The following IVNS1ABP variants were observed in gnomAD, a reference collection of about 807,000 sequenced individuals.
IVNS1ABP encodes the protein influenza virus NS1A-binding protein.
In IVNS1ABP, 25 loss-of-function variants were observed where a neutral mutation model predicts 78.9. That is an observed-to-expected ratio of 0.32 (90% CI 0.23 to 0.44). The LOEUF is 0.44. Ranked by LOEUF, IVNS1ABP falls within the 20% of genes least tolerant of loss-of-function variation. The pLI is 1.00. For synonymous variants in IVNS1ABP, 241 were observed against 259.7 expected (o/e 0.93, Z 0.69); for missense variants, 494 against 768.9 (o/e 0.64, Z 4.23).
chr1:185,308,068 G>A (rs1459145587), intron 5 of IVNS1ABP: 136 of 1,541,858 alleles, frequency 8.8e-5, no homozygotes, highest in Non-Finnish European at 1.2e-4. Flanking sequence ...AAATAGTTTT[G>A]GAAAGACAGC....
At chr1:185,304,672 A>T (rs1444002502) in intron 8 of IVNS1ABP, among the ~76,000 whole-genome samples, 1 of 152,166 alleles carries the variant, frequency 6.6e-6, no homozygotes, top group East Asian at 1.9e-4. Context: ...AGCATAGCCA[A>T]ACTAATTTAA....
intron 14 of IVNS1ABP, chr1:185,299,493 A>G (rs1665510153): frequency 1.8e-6 from 1 of 568,334 alleles, no homozygotes; most frequent in Admixed American, 3.0e-5. Context: ...CACCCATCAA[A>G]AGACTGGTGA....
rs1571734980 is a variant in IVNS1ABP at position 185,297,105 on chromosome 1, A to C, written c.*930T>G. On this transcript the variant is annotated 3_prime_UTR_variant, in exon 15 of 15. Coordinates refer to ENST00000367498, the MANE Select transcript of IVNS1ABP (RefSeq NM_006469.5). ...TGCATTCACAACCTAATGTAGTTTA[A>C]AGTAAATTTTTTCACAATTGAGGGC... 6.6e-6 allele frequency: 1 copy of C among 152,302 alleles called. No homozygotes were observed. The highest frequency in any genetic ancestry group is 2.1e-4 in the South Asian group (1 of 4,826). 9.4% of individuals were successfully genotyped at this position (152,302 alleles called of 1,614,324 possible).
chr1:185,307,629 C>T lies in IVNS1ABP; in HGVS notation c.391G>A (p.Val131Ile), dbSNP rs1286595284. ...CGDYLLSRMD[V>I]TSCISYRNFA... Reference sequence around the variant, plus strand: ...TTTCGGTAAGAGATGCAGCTGGTAACATCCATTCTAGACAGTAAATAATCA... The same window carrying T: ...TTTCGGTAAGAGATGCAGCTGGTAATATCCATTCTAGACAGTAAATAATCA... Residue 131 changes from valine to isoleucine, a missense_variant, in exon 6 of 15, where the codon GTT becomes ATT. Coordinates refer to ENST00000367498, the MANE Select transcript of IVNS1ABP (RefSeq NM_006469.5). The T allele has an allele frequency of 1.2e-6, 2 of 1,613,420 alleles. No homozygotes were observed. Among genetic ancestry groups the T allele is most frequent in the East Asian group, 2.2e-5 (1 of 44,846 alleles).
Position 185,311,115 on chromosome 1 carries a change from G to A in IVNS1ABP, c.-39C>T, listed in dbSNP as rs1405129158. 2.2e-5 allele frequency: 8 copies of A among 371,354 alleles called. No individual in the cohort carries two copies. Among genetic ancestry groups the A allele is most frequent in the Non-Finnish European group, 4.8e-6 (1 of 208,518 alleles). The allele number at this position is 371,354 out of a possible 1,614,324, so 23.0% of individuals were successfully genotyped here. ...CTTACCTACTCTGTTGGTGGCAAAT[G>A]TATTTCTGGGAACTCTTAAGTAATC... On this transcript the variant is annotated 5_prime_UTR_variant, in exon 2 of 15. Transcript: ENST00000367498.
intron 7 of IVNS1ABP, chr1:185,306,537 G>T: frequency 7.8e-7 from 1 of 1,288,664 alleles, no homozygotes; most frequent in Non-Finnish European, 1.0e-6. Flanking sequence ...AGGAGAACTG[G>T]GGCAGGACTG....
intron 7 of IVNS1ABP, chr1:185,306,148 A>AT (rs1022427818): frequency 5.6e-6 from 1 of 180,100 alleles, no homozygotes; most frequent in African/African-American, 2.4e-5. Context: ...ACAGATGCAA[A>AT]TACATGGCAA....
rs550156675 is a variant in IVNS1ABP at position 185,307,401 on chromosome 1, A to C, written c.531+88T>G. On this transcript the variant is annotated intron_variant, in intron 6 of 14. Transcript: ENST00000367498. ...ATATAATTTCAATGTATTATTTCAT[A>C]ATCATTACTCACTTGCTTGAAACAC... 7.7e-6 allele frequency: 8 copies of C among 1,040,114 alleles called. No individual in the cohort carries two copies. The East Asian group carries it at 1.9e-4, about 25-fold the overall frequency. 64.4% of individuals were successfully genotyped at this position (1,040,114 alleles called of 1,614,324 possible).
At position 185,309,033 on chromosome 1, in the gene IVNS1ABP, T is replaced by TC; in HGVS notation, c.250dup (p.Glu84GlyfsTer16). 6.2e-7 allele frequency: 1 copy of TC among 1,612,438 alleles called. No individual in the cohort carries two copies. Among genetic ancestry groups the TC allele is most frequent in the Non-Finnish European group, 8.5e-7 (1 of 1,179,306 alleles). On this transcript the variant is annotated frameshift_variant, in exon 4 of 15. Coordinates refer to ENST00000367498, the MANE Select transcript of IVNS1ABP (RefSeq NM_006469.5). LOFTEE classifies it high-confidence loss of function. ...AGTGTAGGCATAATTCAACAAGACT[T>TC]CAACAGCTTCTGGATTGAGATCATC...
rs1299463944 is a variant in IVNS1ABP, at chr1:185,300,527, T to G, written c.1152A>C (p.Thr384=). The change falls in exon 11 of 15, where the codon ACA becomes ACC. Residue 384 remains threonine (T), a synonymous_variant. Coordinates refer to ENST00000367498, the MANE Select transcript of IVNS1ABP (RefSeq NM_006469.5). ...GGYNREECLR[T]VECYNPHTDH... is the part of the protein sequence containing the mutation. ...CTGTATGTGGATTATAGCATTCGAC[T>G]GTTCGAAGACATTCCTCTCTGTTAT... The G allele has an allele frequency of 6.2e-7, 1 of 1,613,464 alleles. No homozygotes were observed. The highest frequency in any genetic ancestry group is 8.5e-7 in the Non-Finnish European group (1 of 1,179,546).
Position 185,297,732 on chromosome 1 carries a change from A to T in IVNS1ABP, c.*303T>A. 1 of 375,162 alleles carries T rather than the reference A, an allele frequency of 2.7e-6. No individual in the cohort carries two copies. The highest frequency in any genetic ancestry group is 4.8e-6 in the Non-Finnish European group (1 of 207,294). 23.2% of individuals were successfully genotyped at this position (375,162 alleles called of 1,614,324 possible). A position where few individuals can be genotyped will look rare whatever the true frequency, so the allele number is the denominator to read the frequency against. ...GAGTCATTTAATGTGCAAATTGGCA[A>T]AACAAATGTGGAGGAGAGGGGACTT... On this transcript the variant is annotated 3_prime_UTR_variant, in exon 15 of 15. Coordinates refer to ENST00000367498, the MANE Select transcript of IVNS1ABP (RefSeq NM_006469.5).
At position 185,307,046 on chromosome 1, in the gene IVNS1ABP, T is replaced by C. The variant is rs1209888130; in HGVS notation, c.625A>G (p.Asn209Asp). 1.2e-6 allele frequency: 2 copies of C among 1,613,532 alleles called. No homozygotes were observed. The highest frequency in any genetic ancestry group is 1.7e-5 in the Admixed American group (1 of 60,008). ...INWVQRSIWE[N>D]GDSLEELMEE... ...ATCAGCTCTTCCAGACTGTCTCCAT[T>C]CTCCCAGATGCTACGCTGCACCCAG... The change falls in exon 7 of 15, where the codon AAT becomes GAT. Residue 209 changes from asparagine (N) to aspartate (D), a missense_variant. Physicochemically the swap from Asn to Asp is conservative, Grantham distance 23. Coordinates refer to ENST00000367498, the MANE Select transcript of IVNS1ABP (RefSeq NM_006469.5).
chr1:185,306,309 C>G (rs1217464967), intron 7 of IVNS1ABP: 4 of 348,534 alleles, frequency 1.1e-5, no homozygotes, highest in Non-Finnish European at 1.9e-5. Context: ...GAGAGAAACT[C>G]AAGGTTACTC....
intron 5 of IVNS1ABP, among the ~76,000 whole-genome samples, chr1:185,308,423 A>C (rs879528779): frequency 2.0e-5 from 3 of 152,214 alleles, no homozygotes; most frequent in Non-Finnish European, 4.4e-5. Context: ...AGTACTTTTT[A>C]CTGGCATTAA....
At chr1:185,301,742 T>C in intron 8 of IVNS1ABP, 179 bp from the exon 9 acceptor site, 1 of 557,270 alleles carries the variant, frequency 1.8e-6, no homozygotes, top group East Asian at 3.0e-5. Context: ...TACTTCCATC[T>C]CCACTCAATG....
Position 185,304,732 on chromosome 1 carries a change from C to T in IVNS1ABP, c.765+804G>A, listed in dbSNP as rs548286253. Among the ~76,000 whole-genome samples the T allele has an allele frequency of 5.9e-5, 9 of 152,160 alleles. No individual in the cohort carries two copies. The South Asian group carries it at 1.9e-3, about 32-fold the overall frequency. On this transcript the variant is annotated intron_variant, in intron 8 of 14. Transcript: ENST00000367498. The stretch of plus-strand genomic sequence containing the variant: ...TTCCTTTGGGAGCACTATACGGAAA[C>T]GGTTGGGAAGAGGCAAGAGAAAGGC...
chr1:185,299,283 T>C (rs1571737105), intron 14 of IVNS1ABP: 1 of 165,274 alleles, frequency 6.1e-6, no homozygotes, highest in Admixed American at 5.7e-5. Context: ...TTTAATACTT[T>C]GGAAACTTGT....
At chr1:185,300,612 C>T (rs894579593) in intron 10 of IVNS1ABP, 54 bp from the exon 11 acceptor site, 61 of 1,564,356 alleles carry the variant, frequency 3.9e-5, no homozygotes, top group South Asian at 1.0e-4. Context: ...AACTGGACCA[C>T]GGTTTCCAGT....
chr1:185,307,216 A>T (rs1307336778), intron 6 of IVNS1ABP, 77 bp from the exon 7 acceptor site: 41 of 1,528,846 alleles, frequency 2.7e-5, no homozygotes, highest in Non-Finnish European at 3.0e-5. Context: ...TTCATAATAA[A>T]GTTGTCACAG....
Sources: gnomAD v4.1 joint callset for allele counts (sites outside exome capture counted in the v4.1 genomes callset) on GRCh38, gnomAD v4.1.1 for gene constraint, MANE v1.5 for transcripts, NCBI Gene and HGNC (gene_info 2026-07-23, HGNC 2026-07-21) for gene names.